The following APC variants were observed in gnomAD, a reference collection of about 807,000 sequenced individuals.
APC encodes adenomatous polyposis coli protein.
A neutral mutation model predicts 247.0 loss-of-function variants in APC; 72 were observed. The observed-to-expected ratio is 0.29, with a 90% CI of 0.24 to 0.35. The LOEUF is 0.35. Among genes scored for constraint, APC ranks in the 10% least tolerant of loss-of-function variants. The pLI is 1.00. For missense variants in APC, 3,400 were observed against 3,360.7 expected, an observed-to-expected ratio of 1.01 and a Z score of -0.29; for synonymous variants, 1,254 against 1,162.5, an observed-to-expected ratio of 1.08 and a Z score of -1.60.
chr5:112,734,256 C>T (rs1467328261), upstream of APC, among the ~76,000 whole-genome samples: 1 of 152,142 alleles, frequency 6.6e-6, no homozygotes, highest in African/African-American at 2.4e-5. Context: ...AAGATAGACA[C>T]GTGGGTCAAG....
Position 112,842,788 on chromosome 5 carries a change from C to T in APC, c.7194C>T (p.Ser2398=), listed in dbSNP as rs565688379. 3 of 1,613,678 alleles carry T rather than the reference C, an allele frequency of 1.9e-6. No homozygotes were observed. The African/African-American group carries it at 4.0e-5, about 22-fold the overall frequency. Residue 2398 remains serine, a synonymous_variant, in exon 16 of 16, where the codon TCC becomes TCT. Coordinates refer to ENST00000257430, the MANE Select transcript of APC (RefSeq NM_000038.6). The part of the protein sequence containing the change: ...ASSIPRSESA[S]KGLNQMNNGN... ...GTATTCCAAGAAGTGAGTCTGCCTC[C>T]AAAGGACTAAATCAGATGAATAATG...
intron 6 of APC, among the ~76,000 whole-genome samples, chr5:112,791,215 C>A (rs1407080905): frequency 1.3e-5 from 2 of 152,210 alleles, no homozygotes; most frequent in East Asian, 3.8e-4. Context: ...GTGGTTCAAT[C>A]TGTAGTTACT....
chr5:112,755,521 G>C (rs770112570), intron 2 of APC, among the ~76,000 whole-genome samples: 1 of 152,118 alleles, frequency 6.6e-6, no homozygotes, highest in Non-Finnish European at 1.5e-5. Context: ...CCCACAAACT[G>C]AGCTATATGA....
intron 11 of APC, 85 bp from the exon 12 acceptor site, chr5:112,827,023 T>C (rs918106160): frequency 5.9e-6 from 8 of 1,358,012 alleles, no homozygotes; most frequent in Non-Finnish European, 8.3e-6. Flanking sequence ...TGAGTTTTTT[T>C]TTCCTAGTAT....
At position 112,843,833 on chromosome 5, in the gene APC, C is replaced by G. The variant is rs1170470482; in HGVS notation, c.8239C>G (p.Pro2747Ala). The change falls in exon 16 of 16, where the codon CCT becomes GCT. Residue 2747 changes from proline (P) to alanine (A), a missense_variant. By Grantham distance (27) the Pro-to-Ala change is conservative (BLOSUM62 -1). This residue lies in a region of APC where 1,788 missense variants were observed against 1,649.5 expected (regional missense o/e 1.08). Transcript: ENST00000257430. The surrounding 1 kb of genome is among the most constrained non-coding windows in gnomAD (Gnocchi z 4.8). ...EIKPGQNNPV[P>A]VSETNESSIV... ...AAAACCAGGACAAAATAATCCTGTC[C>G]CTGTATCAGAGACTAATGAAAGTTC... 1.2e-6 allele frequency: 2 copies of G among 1,613,890 alleles called. No homozygotes were observed. Among genetic ancestry groups the G allele is most frequent in the African/African-American group, 2.7e-5 (2 of 74,906 alleles).
chr5:112,720,139 C>A (rs1370851601), intron 1 of APC, among the ~76,000 whole-genome samples: 1 of 152,072 alleles, frequency 6.6e-6, no homozygotes, highest in African/African-American at 2.4e-5. Context: ...GTATAACATA[C>A]CAATATATTT....
chr5:112,759,356 C>CTTTTTTTTTTTTTT (rs887438895), intron 2 of APC, among the ~76,000 whole-genome samples: 4 of 122,334 alleles, frequency 3.3e-5, no homozygotes, highest in Admixed American at 8.2e-5. Context: ...TTCTTTCTTT[C>CTTTTTTTTTTTTTT]TTTTTTTTTT....
chr5:112,797,313 T>G (rs1760317569), intron 7 of APC, among the ~76,000 whole-genome samples: 1 of 152,184 alleles, frequency 6.6e-6, no homozygotes, highest in South Asian at 2.1e-4. Context: ...ATTCTTCTAA[T>G]GTAAGTTAGA....
At chr5:112,803,751 A>G (rs998894404) in intron 8 of APC, among the ~76,000 whole-genome samples, 10 of 152,214 alleles carry the variant, frequency 6.6e-5, no homozygotes, top group African/African-American at 2.4e-4. Context: ...TGGAACCTAT[A>G]TGGTGCATCC....
At chr5:112,713,615 G>A (rs1750987711) in intron 1 of APC, among the ~76,000 whole-genome samples, 1 of 152,162 alleles carries the variant, frequency 6.6e-6, no homozygotes, top group Non-Finnish European at 1.5e-5. Context: ...AGATAATAGT[G>A]GCAAATTTAA....
intron 1 of APC, among the ~76,000 whole-genome samples, chr5:112,746,610 T>C (rs1753711605): frequency 6.6e-6 from 1 of 152,144 alleles, no homozygotes; most frequent in Non-Finnish European, 1.5e-5. Flanking sequence ...GATATGATTA[T>C]ACAAAAAAGT....
chr5:112,813,051 A>G (rs1194829495), intron 8 of APC, among the ~76,000 whole-genome samples: 4 of 152,190 alleles, frequency 2.6e-5, no homozygotes, highest in Admixed American at 6.6e-5. Context: ...TGGACTCTGA[A>G]CTAGTATTCT....
intron 1 of APC, among the ~76,000 whole-genome samples, chr5:112,719,368 C>A (rs745492597): frequency 3.3e-5 from 5 of 151,906 alleles, no homozygotes; most frequent in African/African-American, 1.2e-4. Context: ...CAGGTGTGCA[C>A]CACCACGCCC....
At chr5:112,817,061 G>A (rs895551425) in intron 9 of APC, among the ~76,000 whole-genome samples, 1 of 151,604 alleles carries the variant, frequency 6.6e-6, no homozygotes, top group African/African-American at 2.4e-5. Context: ...GTAGAGATGG[G>A]GTTTTGCCAT....
chr5:112,751,398 C>G (rs1042279647), intron 1 of APC, among the ~76,000 whole-genome samples: 3 of 151,880 alleles, frequency 2.0e-5, no homozygotes, highest in African/African-American at 7.2e-5. Context: ...AGTATTTTTA[C>G]TGGGACTGTA....
upstream of APC, among the ~76,000 whole-genome samples, chr5:112,734,162 C>T (rs1752245614): frequency 6.6e-6 from 1 of 152,142 alleles, no homozygotes; most frequent in African/African-American, 2.4e-5. Flanking sequence ...CACTGCACTC[C>T]AGCCTGGGTG....
chr5:112,830,878 A>C lies in APC; in HGVS notation c.1743+1906A>C, dbSNP rs145726453. On this transcript the variant is annotated intron_variant, in intron 14 of 15. Coordinates refer to ENST00000257430, the MANE Select transcript of APC (RefSeq NM_000038.6). ...ATTGGACTGGCAGTTTTATGGGTGT[A>C]TACATGTATGAAAAATTATCAAATT... Among the ~76,000 whole-genome samples, 827 of 152,300 alleles carry C rather than the reference A, an allele frequency of 5.4e-3. 5 individuals carry two copies. Among genetic ancestry groups the C allele is most frequent in the Non-Finnish European group, 7.8e-3 (532 of 68,020 alleles).
At chr5:112,716,056 C>T (rs1040166049) in intron 1 of APC, among the ~76,000 whole-genome samples, 2 of 151,958 alleles carry the variant, frequency 1.3e-5, no homozygotes, top group African/African-American at 4.8e-5. Flanking sequence ...TCCAGAGAAC[C>T]GTATTTTGAA....
chr5:112,781,082 G>T (rs1758289732), intron 6 of APC, among the ~76,000 whole-genome samples, 179 bp downstream of exon 6: 1 of 152,158 alleles, frequency 6.6e-6, no homozygotes, highest in Non-Finnish European at 1.5e-5. Flanking sequence ...TCACATAGTT[G>T]TGTCTTTACC....
Sources: allele counts gnomAD v4.1 joint callset (sites outside exome capture counted in the v4.1 genomes callset), GRCh38; gene constraint gnomAD v4.1.1; regional missense constraint gnomAD v4.1.1; non-coding constraint Gnocchi (gnomAD v3.1); transcripts MANE v1.5; gene names NCBI Gene and HGNC (gene_info 2026-07-23, HGNC 2026-07-21).